Variants in RBFOX1 observed in about 807,000 individuals in gnomAD.
RBFOX1 encodes the protein RNA binding fox-1 homolog 1, also known as RNA binding protein fox-1 homolog 1.
In RBFOX1, 8 loss-of-function variants were observed where a neutral mutation model predicts 57.7. The ratio of observed to expected loss-of-function variants is 0.14; its 90% CI spans 0.08 to 0.25. RBFOX1 has a LOEUF of 0.25. RBFOX1 is among the 10% of genes least tolerant of loss of function. RBFOX1 has a pLI of 1.00. For synonymous variants in RBFOX1, 326 were observed against 222.4 expected (o/e 1.47, Z -4.15); for missense variants, 611 against 548.5 (o/e 1.11, Z -1.14).
intron 3 of RBFOX1, among the ~76,000 whole-genome samples, chr16:5,731,111 C>T (rs2052355459): frequency 6.6e-6 from 1 of 152,094 alleles, no homozygotes; most frequent in African/African-American, 2.4e-5. Flanking sequence ...TCATAAATAT[C>T]ACCATCATCA....
intron 4 of RBFOX1, among the ~76,000 whole-genome samples, chr16:7,461,420 C>T (rs2059565033): frequency 6.6e-6 from 1 of 152,112 alleles, no homozygotes; most frequent in Admixed American, 6.5e-5. Flanking sequence ...CTCACCTTAG[C>T]CTCCCAAAGT....
chr16:5,413,415 G>A (rs539710282), intron 1 of RBFOX1, among the ~76,000 whole-genome samples: 98 of 152,174 alleles, frequency 6.4e-4, no homozygotes, highest in African/African-American at 1.4e-3. Context: ...ATACATATCC[G>A]TGGTATCCAT....
At chr16:6,426,510 C>T (rs373143349) in intron 2 of RBFOX1, among the ~76,000 whole-genome samples, 2 of 151,966 alleles carry the variant, frequency 1.3e-5, no homozygotes, top group African/African-American at 4.8e-5. Flanking sequence ...GCACACCTGT[C>T]GTCCCAGCTA....
At chr16:7,152,409 C>G (rs188593781) in intron 4 of RBFOX1, among the ~76,000 whole-genome samples, 16 of 152,228 alleles carry the variant, frequency 1.1e-4, no homozygotes, top group Admixed American at 4.6e-4. Flanking sequence ...CTTGGCTGAC[C>G]CGATAGCCAA....
intron 4 of RBFOX1, among the ~76,000 whole-genome samples, chr16:7,092,486 T>G (rs1025932308): frequency 7.2e-5 from 11 of 152,256 alleles, no homozygotes; most frequent in African/African-American, 2.4e-4. Flanking sequence ...ACAGCCTCTT[T>G]AATACTGTAT....
Position 6,022,664 on chromosome 16 carries a change from C to A in RBFOX1, c.-127+2672C>A, listed in dbSNP as rs375671761. Among the ~76,000 whole-genome samples, 8 of 152,022 alleles carry A rather than the reference C, an allele frequency of 5.3e-5. No homozygotes were observed. In the East Asian group the frequency reaches 1.2e-3, roughly 22 times the overall value. ...CGCCACTGCACTCCAGCCTGGGTGA[C>A]CAGAATGAGACCCTGCCTCAAAAAC... On this transcript the variant is annotated intron_variant, in intron 1 of 15. Coordinates refer to ENST00000550418, the MANE Select transcript of RBFOX1 (RefSeq NM_018723.4).
chr16:7,652,090 G>C (rs79321445), intron 11 of RBFOX1, among the ~76,000 whole-genome samples: 3,776 of 151,996 alleles, frequency 0.025, 156 homozygotes, highest in African/African-American at 0.086. Context: ...TAACCATCAG[G>C]CATCCTCTGC....
chr16:6,543,374 C>T (rs1253152338), intron 2 of RBFOX1, among the ~76,000 whole-genome samples: 2 of 152,068 alleles, frequency 1.3e-5, no homozygotes, highest in Non-Finnish European at 2.9e-5. Context: ...TACTCGGTGG[C>T]TTCTCAAAGA....
intron 4 of RBFOX1, among the ~76,000 whole-genome samples, chr16:5,978,621 C>A (rs1441945762): frequency 6.6e-6 from 1 of 151,984 alleles, no homozygotes; most frequent in Non-Finnish European, 1.5e-5. Flanking sequence ...TCACTAATCT[C>A]CTCTGTTATG....
intron 1 of RBFOX1, among the ~76,000 whole-genome samples, chr16:6,171,835 C>G (rs1488955075): frequency 7.2e-6 from 1 of 139,486 alleles, no homozygotes; most frequent in African/African-American, 3.1e-5. Flanking sequence ...TTTATTTATT[C>G]TTTTAAGACA....
At chr16:7,112,705 T>G (rs1232065086) in intron 4 of RBFOX1, among the ~76,000 whole-genome samples, 2 of 151,614 alleles carry the variant, frequency 1.3e-5, no homozygotes, top group South Asian at 2.1e-4. Context: ...TCTGTCTGTC[T>G]GTCCGCAAAT....
At chr16:7,201,314 C>T (rs912588524) in intron 4 of RBFOX1, among the ~76,000 whole-genome samples, 1 of 152,076 alleles carries the variant, frequency 6.6e-6, no homozygotes, top group East Asian at 1.9e-4. Flanking sequence ...GGTGAAGTCA[C>T]CAGCTGAGGT....
intron 1 of RBFOX1, among the ~76,000 whole-genome samples, chr16:6,206,554 C>T (rs565442840): frequency 6.6e-6 from 1 of 152,106 alleles, no homozygotes; most frequent in African/African-American, 2.4e-5. Context: ...CAGGAGCTGG[C>T]GATATTAAAT....
intron 3 of RBFOX1, among the ~76,000 whole-genome samples, chr16:6,750,996 A>C (rs547984136): frequency 3.3e-5 from 5 of 152,242 alleles, no homozygotes; most frequent in Admixed American, 3.3e-4. Context: ...AAAAAGAGGA[A>C]GGATCATTAG....
chr16:5,900,886 A>T (rs972050465), intron 4 of RBFOX1, among the ~76,000 whole-genome samples: 1 of 152,160 alleles, frequency 6.6e-6, no homozygotes, highest in African/African-American at 2.4e-5. Context: ...AAGTCTACAT[A>T]GTTCTGATTA....
intron 3 of RBFOX1, among the ~76,000 whole-genome samples, chr16:6,802,505 T>G (rs2085721929): frequency 6.6e-6 from 1 of 152,092 alleles, no homozygotes; most frequent in Non-Finnish European, 1.5e-5. Flanking sequence ...GGCAAAACCC[T>G]GTCTCTACTT....
intron 3 of RBFOX1, among the ~76,000 whole-genome samples, chr16:7,014,147 A>AACTGT (rs1429325831): frequency 6.6e-6 from 1 of 152,204 alleles, no homozygotes; most frequent in African/African-American, 2.4e-5. Context: ...GCTCAAAAAG[A>AACTGT]ACTGTCCAAG....
Position 7,377,600 on chromosome 16 carries a change from C to T in RBFOX1, c.28-140547C>T, listed in dbSNP as rs575234578. On this transcript the variant is annotated intron_variant, in intron 4 of 15. Transcript: ENST00000550418. ...TTTTAGATTTGTCTATGGCATTATT[C>T]TTTATCAGTATAACTTTATAGCGCT... Among the ~76,000 whole-genome samples the T allele has an allele frequency of 1.7e-4, 26 of 152,268 alleles. No homozygotes were observed. In the East Asian group the frequency reaches 4.6e-3, roughly 27 times the overall value.
At position 6,459,984 on chromosome 16, in the gene RBFOX1, C is replaced by CA. The variant is rs149424076; in HGVS notation, c.-64+142971dup. On this transcript the variant is annotated intron_variant, in intron 2 of 15. Coordinates refer to ENST00000550418, the MANE Select transcript of RBFOX1 (RefSeq NM_018723.4). Reference sequence around the variant, plus strand: ...GGGCAACAAGAGTGAAACTCCATCTCAAAAAAAAAAAAAAAAAAAAAAAAA... The same window carrying CA: ...GGGCAACAAGAGTGAAACTCCATCTCAAAAAAAAAAAAAAAAAAAAAAAAAA... Among the ~76,000 whole-genome samples the CA allele has an allele frequency of 1.5e-3, 71 of 47,666 alleles. 10 individuals are homozygous for CA. Among genetic ancestry groups the CA allele is most frequent in the Non-Finnish European group, 2.2e-3 (54 of 24,682 alleles). The allele number at this position is 47,666 out of a possible 152,430, so 31.3% of individuals were successfully genotyped here.
Sources: gnomAD v4.1 joint callset for allele counts (sites outside exome capture counted in the v4.1 genomes callset) on GRCh38, gnomAD v4.1.1 for gene constraint, MANE v1.5 for transcripts, NCBI Gene and HGNC (gene_info 2026-07-23, HGNC 2026-07-21) for gene names.